Variants in OTUD7A observed in about 807,000 individuals in gnomAD.
The protein encoded by OTUD7A is OTU domain-containing protein 7A.
Under a neutral mutation model 65.7 loss-of-function variants are expected in OTUD7A, and 12 were observed. That is an observed-to-expected ratio of 0.18 (90% CI 0.12 to 0.30). The LOEUF is 0.30. Ranked by LOEUF, OTUD7A falls within the 10% of genes least tolerant of loss-of-function variation. OTUD7A has a pLI of 1.00. For missense variants in OTUD7A, 1,148 were observed against 1,304.8 expected, an observed-to-expected ratio of 0.88 and a Z score of 1.85; for synonymous variants, 641 against 586.3, an observed-to-expected ratio of 1.09 and a Z score of -1.35.
rs2041167340 is a variant in OTUD7A at position 31,483,430 on chromosome 15, C to T, written c.2666G>A (p.Gly889Asp). 2 of 1,371,930 alleles carry T rather than the reference C, an allele frequency of 1.5e-6. No homozygotes were observed. The highest frequency in any genetic ancestry group is 1.5e-5 in the African/African-American group (1 of 64,596). 85.0% of individuals were successfully genotyped at this position (1,371,930 alleles called of 1,614,324 possible). A position where few individuals can be genotyped will look rare whatever the true frequency, so the allele number is the denominator to read the frequency against. The part of the protein sequence containing the change: ...ARSNGECGRG[G>D]PGPVQRRCQR... ...GCAGCGCCGCTGCACCGGCCCCGGG[C>T]CGCCACGGCCGCACTCACCGTTCGA... Residue 889 changes from glycine to aspartate, a missense_variant, in exon 13 of 13, where the codon GGC (glycine) becomes GAC (aspartate). Around this residue, in one of 6 missense-constraint regions of OTUD7A, gnomAD observed 842 missense variants for 769.5 expected, o/e 1.09. Coordinates refer to ENST00000307050, the MANE Select transcript of OTUD7A (RefSeq NM_001382637.1).
At chr15:31,667,257 T>C (rs1046889961) in intron 1 of OTUD7A, among the ~76,000 whole-genome samples, 2 of 152,164 alleles carry the variant, frequency 1.3e-5, no homozygotes, top group Admixed American at 1.3e-4. Flanking sequence ...TGTTGCTGTC[T>C]ATCTCATTTC....
intron 3 of OTUD7A, among the ~76,000 whole-genome samples, chr15:31,638,125 C>A (rs1891394944): frequency 1.3e-5 from 2 of 152,000 alleles, no homozygotes. Flanking sequence ...TTAAATGCAT[C>A]AAACTTCACG....
chr15:31,780,042 C>T (rs1895495991), intron 1 of OTUD7A, among the ~76,000 whole-genome samples: 1 of 152,064 alleles, frequency 6.6e-6, no homozygotes, highest in Admixed American at 6.5e-5. Flanking sequence ...ATCCTCAAAC[C>T]AAGAAGAGAG....
rs1431528699 is a variant in OTUD7A, at chr15:31,479,839, A to T, written c.*3455T>A. On this transcript the variant is annotated 3_prime_UTR_variant, in exon 13 of 13. Coordinates refer to ENST00000307050, the MANE Select transcript of OTUD7A (RefSeq NM_001382637.1). ...AGTAAATTAAATCATTTGGGAAAAC[A>T]TTCGATTTGTAAATAGATTCAAATG... 6.6e-6 allele frequency: 1 copy of T among 152,234 alleles called. No homozygotes were observed. The highest frequency in any genetic ancestry group is 1.5e-5 in the Non-Finnish European group (1 of 68,038). 9.4% of individuals were successfully genotyped at this position (152,234 alleles called of 1,614,324 possible). A position where few individuals can be genotyped will look rare whatever the true frequency, so the allele number is the denominator to read the frequency against.
chr15:31,861,489 A>T (rs940600723), intron 1 of OTUD7A, among the ~76,000 whole-genome samples: 6 of 152,156 alleles, frequency 3.9e-5, no homozygotes, highest in African/African-American at 4.8e-5. Flanking sequence ...TAAATGGGAT[A>T]AGTCAGCTTT....
chr15:31,627,000 T>C (rs1890977740), intron 3 of OTUD7A, among the ~76,000 whole-genome samples: 1 of 152,026 alleles, frequency 6.6e-6, no homozygotes, highest in African/African-American at 2.4e-5. Flanking sequence ...AGTTGTAATC[T>C]TGCTAATGGG....
At position 31,477,380 on chromosome 15, in the gene OTUD7A, T is replaced by A. The variant is rs1254570265; in HGVS notation, c.*5914A>T. 6.6e-6 allele frequency: 1 copy of A among 152,298 alleles called. No individual in the cohort carries two copies. Among genetic ancestry groups the A allele is most frequent in the Non-Finnish European group, 1.5e-5 (1 of 68,076 alleles). The allele number at this position is 152,298 out of a possible 1,614,324, so 9.4% of individuals were successfully genotyped here. ...GGGAACCCACTACTGTGCATCTGGC[T>A]ACAAAAGCTACCTGCAGAAAACTGT... On this transcript the variant is annotated 3_prime_UTR_variant, in exon 13 of 13. Transcript: ENST00000307050.
intron 1 of OTUD7A, among the ~76,000 whole-genome samples, chr15:31,736,194 C>T (rs1231733660): frequency 6.6e-6 from 1 of 151,972 alleles, no homozygotes; most frequent in Non-Finnish European, 1.5e-5. Context: ...AACATGTGCC[C>T]CTGAACTTAA....
rs554601651 is a variant in OTUD7A at position 31,567,036 on chromosome 15, A to T, written c.331+2982T>A. Reference sequence around the variant, plus strand: ...CACAGAAAATCAGTACCAAGGGGGTACCTGAAAATGTGAAAGCAACTTTGG... The same window carrying T: ...CACAGAAAATCAGTACCAAGGGGGTTCCTGAAAATGTGAAAGCAACTTTGG... On this transcript the variant is annotated intron_variant, in intron 4 of 12. Transcript: ENST00000307050. 2.2e-4 allele frequency among the ~76,000 whole-genome samples: 33 copies of T among 152,354 alleles called. No homozygotes were observed. The South Asian group carries it at 6.6e-3, about 31-fold the overall frequency.
At chr15:31,813,093 G>A (rs368805973) in intron 1 of OTUD7A, among the ~76,000 whole-genome samples, 19 of 152,172 alleles carry the variant, frequency 1.2e-4, no homozygotes, top group Non-Finnish European at 1.0e-4. Context: ...GTCAAACGCC[G>A]GGGAGCCCGG....
intron 1 of OTUD7A, among the ~76,000 whole-genome samples, chr15:31,864,760 T>TAC (rs72128495): frequency 0.034 from 4,943 of 146,534 alleles, 234 homozygotes; most frequent in African/African-American, 0.12. Flanking sequence ...CTCCTCTTCC[T>TAC]ACACACACAC....
chr15:31,739,987 G>C (rs144447063), intron 1 of OTUD7A, among the ~76,000 whole-genome samples: 7 of 152,224 alleles, frequency 4.6e-5, no homozygotes, highest in African/African-American at 1.7e-4. Flanking sequence ...GGGCAGACCC[G>C]TCTTTGAATG....
At chr15:31,614,622 G>A (rs1890530630) in intron 3 of OTUD7A, among the ~76,000 whole-genome samples, 1 of 151,936 alleles carries the variant, frequency 6.6e-6, no homozygotes, top group Admixed American at 6.6e-5. Context: ...TTTAAAAGCA[G>A]ATGCAAAATA....
chr15:31,508,212 T>C (rs1414354084), intron 8 of OTUD7A, among the ~76,000 whole-genome samples: 5 of 152,256 alleles, frequency 3.3e-5, no homozygotes, highest in Non-Finnish European at 7.3e-5. Context: ...TTTAGTATAG[T>C]AACCTAAGAT....
At chr15:31,639,330 C>T (rs1299718757) in intron 3 of OTUD7A, among the ~76,000 whole-genome samples, 1 of 150,794 alleles carries the variant, frequency 6.6e-6, no homozygotes, top group African/African-American at 2.5e-5. Flanking sequence ...TGTTGTTGCA[C>T]GTTATCAATA....
chr15:31,863,589 C>A (rs550264413), intron 1 of OTUD7A, among the ~76,000 whole-genome samples: 3 of 152,164 alleles, frequency 2.0e-5, no homozygotes, highest in African/African-American at 7.2e-5. Context: ...CTTTTGGCCA[C>A]GGGTGGAATG....
At chr15:31,810,046 C>T (rs1203435914) in intron 1 of OTUD7A, among the ~76,000 whole-genome samples, 1 of 152,226 alleles carries the variant, frequency 6.6e-6, no homozygotes, top group Non-Finnish European at 1.5e-5. Flanking sequence ...ACAGCCAGAT[C>T]TTCTCCAGGG....
At chr15:31,687,570 C>T (rs1348270264) in intron 1 of OTUD7A, among the ~76,000 whole-genome samples, 1 of 152,206 alleles carries the variant, frequency 6.6e-6, no homozygotes, top group African/African-American at 2.4e-5. Flanking sequence ...TATAAGGACA[C>T]TGAAGGTTTG....
intron 1 of OTUD7A, among the ~76,000 whole-genome samples, chr15:31,676,327 T>C (rs1049169211): frequency 6.6e-6 from 1 of 152,012 alleles, no homozygotes; most frequent in Admixed American, 6.6e-5. Flanking sequence ...CTCAGCCCCA[T>C]GTAGTAAATC....
Sources: gnomAD v4.1 joint callset for allele counts (sites outside exome capture counted in the v4.1 genomes callset) on GRCh38, gnomAD v4.1.1 for gene constraint, gnomAD v4.1.1 regional missense constraint, MANE v1.5 for transcripts, NCBI Gene and HGNC (gene_info 2026-07-23, HGNC 2026-07-21) for gene names.